The following ROBO1 variants were observed in gnomAD, a reference collection of about 807,000 sequenced individuals.
The protein encoded by ROBO1 is roundabout homolog 1.
ROBO1 carries 149 observed loss-of-function variants against 195.9 expected under a neutral mutation model. The observed-to-expected ratio is 0.76, with a 90% CI of 0.67 to 0.87. ROBO1 has a LOEUF of 0.87. Among genes scored for constraint, ROBO1 ranks in the 40% least tolerant of loss-of-function variants. The pLI, the probability that ROBO1 is intolerant of heterozygous loss-of-function variation, is 0.00. For missense variants in ROBO1, 1,933 were observed against 2,068.3 expected (o/e 0.93, Z 1.27); for synonymous variants, 816 against 733.2 (o/e 1.11, Z -1.82).
At chr3:79,066,346 T>C (rs2079002472) in intron 3 of ROBO1, among the ~76,000 whole-genome samples, 1 of 152,014 alleles carries the variant, frequency 6.6e-6, no homozygotes, top group South Asian at 2.1e-4. Flanking sequence ...TATTTCTTGA[T>C]CTAGGTTACA....
At chr3:79,505,196 A>G (rs1164716355) in intron 2 of ROBO1, among the ~76,000 whole-genome samples, 2 of 148,386 alleles carry the variant, frequency 1.3e-5, no homozygotes, top group Non-Finnish European at 3.0e-5. Flanking sequence ...ATTTTAATTT[A>G]TTAAACTTCT....
At chr3:79,448,851 A>C (rs1559907470) in intron 2 of ROBO1, among the ~76,000 whole-genome samples, 3 of 152,158 alleles carry the variant, frequency 2.0e-5, no homozygotes, top group Admixed American at 6.5e-5. Context: ...CCCATCATTA[A>C]CTACGTTCAT....
chr3:79,325,538 C>T (rs1027900786), intron 2 of ROBO1, among the ~76,000 whole-genome samples: 4 of 152,162 alleles, frequency 2.6e-5, no homozygotes, highest in African/African-American at 9.7e-5. Flanking sequence ...AAGTCAGGGA[C>T]CCCAAACGGA....
At chr3:78,943,142 G>A (rs190636734) in intron 3 of ROBO1, among the ~76,000 whole-genome samples, 20 of 152,066 alleles carry the variant, frequency 1.3e-4, no homozygotes, top group African/African-American at 4.3e-4. Flanking sequence ...CGTGAACCTG[G>A]GAGGCGGAGC....
intron 4 of ROBO1, among the ~76,000 whole-genome samples, chr3:78,919,029 A>C (rs897985128): frequency 1.3e-5 from 2 of 152,218 alleles, no homozygotes; most frequent in African/African-American, 4.8e-5. Context: ...CATTTTGGAA[A>C]AAAGGTCAAT....
At chr3:79,629,211 T>C (rs1338973025) in intron 1 of ROBO1, among the ~76,000 whole-genome samples, 1 of 152,164 alleles carries the variant, frequency 6.6e-6, no homozygotes, top group Non-Finnish European at 1.5e-5. Context: ...ATTTCTTCTC[T>C]GCACATGGAG....
At chr3:79,001,247 C>A (rs1330931659) in intron 3 of ROBO1, among the ~76,000 whole-genome samples, 5 of 151,952 alleles carry the variant, frequency 3.3e-5, no homozygotes, top group Admixed American at 1.3e-4. Context: ...ATGTAACAAA[C>A]CTGCATGTTC....
chr3:78,899,391 T>G (rs931225726), intron 4 of ROBO1, among the ~76,000 whole-genome samples: 1 of 152,204 alleles, frequency 6.6e-6, no homozygotes, highest in Non-Finnish European at 1.5e-5. Context: ...TGGTTATATG[T>G]TTTTAAATCA....
intron 3 of ROBO1, among the ~76,000 whole-genome samples, chr3:79,099,607 G>T (rs1426931842): frequency 6.6e-6 from 1 of 151,742 alleles, no homozygotes; most frequent in African/African-American, 2.4e-5. Flanking sequence ...TTGGATTTGT[G>T]TAGATCACCA....
At chr3:79,681,567 ACC>A (rs1946949913) in intron 1 of ROBO1, among the ~76,000 whole-genome samples, 4 of 152,102 alleles carry the variant, frequency 2.6e-5, no homozygotes, top group South Asian at 4.1e-4. Context: ...TCTGAGTGTT[ACC>A]TTGTATTGTG....
chr3:79,090,455 C>T (rs1342406425), intron 3 of ROBO1, among the ~76,000 whole-genome samples: 1 of 146,796 alleles, frequency 6.8e-6, no homozygotes, highest in East Asian at 2.2e-4. Flanking sequence ...TCCCTCCCCT[C>T]CCCTCCCCCC....
At chr3:79,143,564 T>C (rs1205465454) in intron 2 of ROBO1, among the ~76,000 whole-genome samples, 2 of 152,122 alleles carry the variant, frequency 1.3e-5, no homozygotes, top group Non-Finnish European at 2.9e-5. Context: ...GACTATGCCA[T>C]TAAGTATTCT....
At chr3:79,611,858 G>C (rs1576115171) in intron 1 of ROBO1, among the ~76,000 whole-genome samples, 1 of 151,822 alleles carries the variant, frequency 6.6e-6, no homozygotes, top group East Asian at 1.9e-4. Flanking sequence ...TGCGCATTCT[G>C]CATATGTATC....
chr3:78,840,856 C>T (rs1176233961), intron 4 of ROBO1, among the ~76,000 whole-genome samples: 1 of 151,534 alleles, frequency 6.6e-6, no homozygotes, highest in Non-Finnish European at 1.5e-5. Flanking sequence ...GTCAGAAGAT[C>T]GAGACCATCC....
chr3:79,494,844 ACT>A (rs1939645680), intron 2 of ROBO1, among the ~76,000 whole-genome samples: 1 of 152,334 alleles, frequency 6.6e-6, no homozygotes, highest in East Asian at 1.9e-4. Flanking sequence ...CAAAATGATC[ACT>A]GAGTCAGATA....
chr3:78,660,868 T>G, intron 16 of ROBO1, 162 bp downstream of exon 16: 1 of 593,006 alleles, frequency 1.7e-6, no homozygotes, highest in Non-Finnish European at 2.8e-6. Flanking sequence ...TTTGCTTTTC[T>G]AGTTTTCTAA....
intron 3 of ROBO1, among the ~76,000 whole-genome samples, chr3:79,048,757 G>T (rs531571402): frequency 6.6e-6 from 1 of 152,096 alleles, no homozygotes; most frequent in South Asian, 2.1e-4. Flanking sequence ...GGCAAACAGG[G>T]TCTGGAGGGG....
chr3:79,381,355 C>CAAAAAAAAAAAAAAAAAAAAAAAA (rs61680946), intron 2 of ROBO1, among the ~76,000 whole-genome samples: 1 of 60,714 alleles, frequency 1.6e-5, no homozygotes, highest in Non-Finnish European at 2.9e-5. Flanking sequence ...AACTCCGTCT[C>CAAAAAAAAAAAAAAAAAAAAAAAA]AAAAAAAAAA....
chr3:79,596,421 C>T lies in ROBO1; in HGVS notation c.-50-6460G>A, dbSNP rs192781142. 7.0e-4 allele frequency among the ~76,000 whole-genome samples: 107 copies of T among 151,964 alleles called. 2 individuals carry two copies. The highest frequency in any genetic ancestry group is 2.5e-3 in the African/African-American group (103 of 41,476). ...AGGCTTGAGCTAGGCTCTAAAGGGT[C>T]TGTTGAAGTTGCACAAGTCCAGTAT... On this transcript the variant is annotated intron_variant, in intron 1 of 30. Transcript: ENST00000464233.
Sources: gnomAD v4.1 joint callset for allele counts (sites outside exome capture counted in the v4.1 genomes callset) on GRCh38, gnomAD v4.1.1 for gene constraint, MANE v1.5 for transcripts, NCBI Gene and HGNC (gene_info 2026-07-23, HGNC 2026-07-21) for gene names.